FOXN3: variants seen among roughly 807,000 people sequenced by gnomAD.
The protein encoded by FOXN3 is forkhead box N3, also known as forkhead box protein N3.
FOXN3 carries 7 observed loss-of-function variants against 38.4 expected under a neutral mutation model. The observed-to-expected ratio is 0.18, with a 90% CI of 0.10 to 0.34. The LOEUF (loss-of-function observed/expected upper bound fraction) is 0.34, where lower values mean the gene tolerates loss of function less well. Ranked by LOEUF, FOXN3 falls within the 10% of genes least tolerant of loss-of-function variation. The probability of loss-of-function intolerance (pLI) is 1.00; values close to 1 mark genes in which losing one functional copy is unlikely to be tolerated. For missense variants in FOXN3, 456 were observed against 613.4 expected (o/e 0.74, Z 2.71); for synonymous variants, 230 against 242.2 (o/e 0.95, Z 0.47).
chr14:89,567,968 C>T (rs1344084004), intron 1 of FOXN3, among the ~76,000 whole-genome samples: 1 of 151,964 alleles, frequency 6.6e-6, no homozygotes, highest in Non-Finnish European at 1.5e-5. Context: ...GTGATCCACC[C>T]GCCTCGGCCT....
At chr14:89,526,422 T>C (rs1894433977) in intron 1 of FOXN3, among the ~76,000 whole-genome samples, 1 of 152,116 alleles carries the variant, frequency 6.6e-6, no homozygotes, top group Non-Finnish European at 1.5e-5. Context: ...GATTGCAAGA[T>C]ACAACATCAA....
intron 1 of FOXN3, among the ~76,000 whole-genome samples, chr14:89,464,619 C>T (rs2139734116): frequency 6.6e-6 from 1 of 152,252 alleles, no homozygotes; most frequent in African/African-American, 2.4e-5. Flanking sequence ...TCATAATCCC[C>T]ATGTGTCACG....
At position 89,367,286 on chromosome 14, in the gene FOXN3, A is replaced by G. The variant is rs144530250; in HGVS notation, c.544-16478T>C. On this transcript the variant is annotated intron_variant, in intron 2 of 5. Coordinates refer to ENST00000557258, the MANE Select transcript of FOXN3 (RefSeq NM_005197.4). ...GACACTGCCTCTACAGTGCCTCTCA[A>G]TTCTAGAACAAGCACTCACTCCAAC... is the stretch of plus-strand genomic sequence containing the variant. 2.4e-3 allele frequency among the ~76,000 whole-genome samples: 368 copies of G among 152,278 alleles called. 3 individuals carry two copies. The highest frequency in any genetic ancestry group is 1.8e-3 in the Non-Finnish European group (122 of 68,022).
intron 4 of FOXN3, among the ~76,000 whole-genome samples, chr14:89,218,880 A>G (rs149003740): frequency 6.6e-6 from 1 of 152,304 alleles, no homozygotes; most frequent in East Asian, 1.9e-4. Context: ...ATTAGGAACC[A>G]ACGTAGGAAG....
chr14:89,558,652 T>C (rs1895176838), intron 1 of FOXN3, among the ~76,000 whole-genome samples: 1 of 152,210 alleles, frequency 6.6e-6, no homozygotes, highest in African/African-American at 2.4e-5. Flanking sequence ...GAACAATGCC[T>C]CAGGTCAGGA....
chr14:89,378,706 C>CGT (rs764555916), intron 2 of FOXN3, among the ~76,000 whole-genome samples: 1 of 136,946 alleles, frequency 7.3e-6, no homozygotes, highest in African/African-American at 2.7e-5. Flanking sequence ...TCTTTTTGCA[C>CGT]TTTTTTTTTT....
Position 89,570,289 on chromosome 14 carries a change from G to A in FOXN3, c.-15+48739C>T, listed in dbSNP as rs74840396. On this transcript the variant is annotated intron_variant, in intron 1 of 6. Transcript: ENST00000345097. ...GCTGGGATTACAGGCGTGAACCACC[G>A]CATCCAGCCGGTACACTTGGTAATT... 8.2e-3 allele frequency among the ~76,000 whole-genome samples: 1,247 copies of A among 152,078 alleles called. 21 individuals are homozygous for A. Among genetic ancestry groups the A allele is most frequent in the African/African-American group, 0.029 (1,190 of 41,506 alleles).
intron 4 of FOXN3, among the ~76,000 whole-genome samples, chr14:89,280,176 T>C (rs1054296857): frequency 7.2e-5 from 11 of 152,208 alleles, no homozygotes; most frequent in African/African-American, 2.7e-4. Flanking sequence ...TTCCATTTTA[T>C]TTACAGAACA....
intron 4 of FOXN3, among the ~76,000 whole-genome samples, chr14:89,270,702 C>T (rs12896272): frequency 6.6e-6 from 1 of 152,198 alleles, no homozygotes; most frequent in Admixed American, 6.5e-5. Flanking sequence ...GGAGCACCTA[C>T]TAAGTGCCAG....
rs75584815 is a variant in FOXN3 at position 89,566,143 on chromosome 14, A to G, written c.-15+52885T>C. Among the ~76,000 whole-genome samples the G allele has an allele frequency of 4.1e-4, 62 of 152,282 alleles. No individual in the cohort carries two copies. In the East Asian group the frequency reaches 0.01, roughly 25 times the overall value. ...AGTAAAACAAATCCCACGAGTAAAG[A>G]CCAACAAGAAATTCCTGTAAAAACC... On this transcript the variant is annotated intron_variant, in intron 1 of 6. Transcript: ENST00000345097.
At chr14:89,579,983 T>C (rs1895712968) in intron 1 of FOXN3, among the ~76,000 whole-genome samples, 1 of 120,478 alleles carries the variant, frequency 8.3e-6, no homozygotes, top group African/African-American at 2.7e-5. Flanking sequence ...TGAGATAGAT[T>C]ATTCCTATTC....
At chr14:89,242,932 C>T (rs1210721130) in intron 4 of FOXN3, among the ~76,000 whole-genome samples, 4 of 152,290 alleles carry the variant, frequency 2.6e-5, no homozygotes, top group East Asian at 1.9e-4. Flanking sequence ...GTCCATTAAT[C>T]GGGGTGCTTA....
intron 4 of FOXN3, among the ~76,000 whole-genome samples, chr14:89,197,213 A>G (rs1221519510): frequency 6.6e-6 from 1 of 152,228 alleles, no homozygotes; most frequent in Non-Finnish European, 1.5e-5. Flanking sequence ...GATCAGATAT[A>G]AGAACACGGG....
intron 2 of FOXN3, among the ~76,000 whole-genome samples, chr14:89,363,629 C>T (rs146596789): frequency 8.5e-4 from 129 of 152,298 alleles, no homozygotes; most frequent in African/African-American, 3.1e-3. Context: ...ATACAATATA[C>T]CTAACACCAT....
chr14:89,591,922 T>C (rs754126220), intron 1 of FOXN3, among the ~76,000 whole-genome samples: 1 of 151,584 alleles, frequency 6.6e-6, no homozygotes, highest in African/African-American at 2.4e-5. Flanking sequence ...GAAAAAAACA[T>C]TAAAAGTGAA....
chr14:89,582,618 T>C, intron 1 of FOXN3, among the ~76,000 whole-genome samples: 1 of 151,370 alleles, frequency 6.6e-6, no homozygotes, highest in Non-Finnish European at 1.5e-5. Context: ...GCCTCCCGAG[T>C]AGCAAACTCA....
At chr14:89,518,669 T>C (rs528727642) in intron 1 of FOXN3, among the ~76,000 whole-genome samples, 1 of 152,330 alleles carries the variant, frequency 6.6e-6, no homozygotes, top group Non-Finnish European at 1.5e-5. Flanking sequence ...TTTCAACCAC[T>C]GGTGATCAGA....
intron 4 of FOXN3, 35 bp downstream of exon 4, chr14:89,280,915 G>A (rs1222840872): frequency 1.0e-5 from 16 of 1,577,680 alleles, no homozygotes; most frequent in Admixed American, 3.4e-5. Flanking sequence ...GTGGGTGAGG[G>A]GGAGGGAGAG....
Position 89,163,564 on chromosome 14 carries a change from G to T in FOXN3, c.852-595C>A, listed in dbSNP as rs1162030657. 6.6e-5 allele frequency among the ~76,000 whole-genome samples: 10 copies of T among 152,116 alleles called. No individual in the cohort carries two copies. Among genetic ancestry groups the T allele is most frequent in the Admixed American group, 5.9e-4 (9 of 15,276 alleles). On this transcript the variant is annotated intron_variant, in intron 5 of 5. Transcript: ENST00000557258. This position sits in a 1 kb window ranked among gnomAD's most constrained non-coding sequence, Gnocchi z 4.3. The stretch of plus-strand genomic sequence containing the variant: ...AGGGAGGGTTCTGGGGGAGGGACAC[G>T]GGGTTGGATCGGATATAGACACTGC...
Sources: allele counts gnomAD v4.1 joint callset (sites outside exome capture counted in the v4.1 genomes callset), GRCh38; gene constraint gnomAD v4.1.1; non-coding constraint Gnocchi (gnomAD v3.1); transcripts MANE v1.5; gene names NCBI Gene and HGNC (gene_info 2026-07-23, HGNC 2026-07-21).